The following GARIN5A variants were observed in gnomAD, a reference collection of about 807,000 sequenced individuals.
The protein encoded by GARIN5A is golgi associated RAB2 interactor 5A.
chr19:50,476,178 T>TAGGGCCGCGATCCCGCCTC, the GARIN5A span: 1 of 1,613,666 alleles, frequency 6.2e-7, no homozygotes, highest in Middle Eastern at 1.6e-4. Flanking sequence ...AGGGCCGGCT[T>TAGGGCCGCGATCCCGCCTC]AGGGCCGCGA....
At chr19:50,471,671 CGCATACATGCACGTGTGTGT>C in the GARIN5A span, among the ~76,000 whole-genome samples, 1 of 150,104 alleles carries the variant, frequency 6.7e-6, no homozygotes, top group African/African-American at 2.5e-5. Flanking sequence ...TGTGTGTATA[CGCATACATGCACGTGTGTGT>C]ATACGCATAC....
the GARIN5A span, among the ~76,000 whole-genome samples, chr19:50,472,266 TATATGTA>T: frequency 7.5e-6 from 1 of 132,606 alleles, no homozygotes; most frequent in Non-Finnish European, 1.6e-5. Context: ...TATGTGTGTA[TATATGTA>T]TATATACATG....
the GARIN5A span, among the ~76,000 whole-genome samples, chr19:50,472,124 ATACGTGTGTATATGTATG>A: frequency 7.3e-6 from 1 of 137,116 alleles, no homozygotes; most frequent in African/African-American, 3.0e-5. Context: ...ATATGTATAT[ATACGTGTGTATATGTATG>A]TATACGTGTG....
the GARIN5A span, among the ~76,000 whole-genome samples, chr19:50,468,968 C>T: frequency 6.6e-6 from 1 of 152,186 alleles, no homozygotes; most frequent in African/African-American, 2.4e-5. Context: ...TTGCGTCCAG[C>T]CACCTGCCTC....
At chr19:50,476,698 G>A in the GARIN5A span, 2 of 1,273,172 alleles carry the variant, frequency 1.6e-6, no homozygotes, top group Admixed American at 2.7e-5. Flanking sequence ...CGCGGTCTAC[G>A]GATGTCGCAG....
At chr19:50,471,976 A>G in the GARIN5A span, among the ~76,000 whole-genome samples, 2 of 148,398 alleles carry the variant, frequency 1.3e-5, no homozygotes, top group East Asian at 3.9e-4. Context: ...ATATACATGT[A>G]TGTGTGTATA....
At chr19:50,470,636 G>C in the GARIN5A span, among the ~76,000 whole-genome samples, 1 of 150,986 alleles carries the variant, frequency 6.6e-6, no homozygotes, top group South Asian at 2.1e-4. Flanking sequence ...GAGAAGTGGC[G>C]TATGGCTTGT....
At chr19:50,474,976 G>A in the GARIN5A span, among the ~76,000 whole-genome samples, 346 of 152,292 alleles carry the variant, frequency 2.3e-3, no homozygotes, top group African/African-American at 7.7e-3. Flanking sequence ...GCTCTTTGGC[G>A]GATGGGGCTA....
chr19:50,473,215 G>A, the GARIN5A span, among the ~76,000 whole-genome samples: 1 of 152,230 alleles, frequency 6.6e-6, no homozygotes, highest in African/African-American at 2.4e-5. Flanking sequence ...TTGGATTTCA[G>A]AAATGCAGAG....
the GARIN5A span, chr19:50,467,645 C>T: frequency 5.7e-6 from 9 of 1,572,022 alleles, no homozygotes; most frequent in African/African-American, 1.1e-4. Flanking sequence ...GTGAAGGGCA[C>T]AGCAGAAGCA....
the GARIN5A span, among the ~76,000 whole-genome samples, chr19:50,471,909 T>C: frequency 2.1e-5 from 3 of 145,728 alleles, no homozygotes; most frequent in Non-Finnish European, 4.5e-5. Context: ...TACATGTATG[T>C]GTGTATATGT....
chr19:50,472,084 G>GTATA, the GARIN5A span, among the ~76,000 whole-genome samples: 46 of 92,842 alleles, frequency 5.0e-4, 1 homozygote, highest in East Asian at 4.5e-4. Context: ...ATATACATGT[G>GTATA]TGTATATGTA....
At chr19:50,475,250 G>A in the GARIN5A span, 7 of 1,503,418 alleles carry the variant, frequency 4.7e-6, no homozygotes, top group South Asian at 1.3e-5. Flanking sequence ...GTCTGGACGA[G>A]GGGAGGTACT....
At chr19:50,474,708 A>G in the GARIN5A span, among the ~76,000 whole-genome samples, 10 of 151,922 alleles carry the variant, frequency 6.6e-5, no homozygotes, top group Non-Finnish European at 1.2e-4. Flanking sequence ...ACCGGTCTCA[A>G]ATTCCTGGCC....
At chr19:50,471,901 CATGT>C in the GARIN5A span, among the ~76,000 whole-genome samples, 2,472 of 148,446 alleles carry the variant, frequency 0.017, 105 homozygotes, top group African/African-American at 0.06. Flanking sequence ...TGTATGCATA[CATGT>C]ATGTGTGTAT....
the GARIN5A span, among the ~76,000 whole-genome samples, chr19:50,472,303 A>T: frequency 1.3e-5 from 2 of 149,732 alleles, no homozygotes; most frequent in African/African-American, 4.9e-5. Context: ...ATATATGTAT[A>T]TATACATGTA....
At chr19:50,476,078 C>T in the GARIN5A span, 1 of 1,610,038 alleles carries the variant, frequency 6.2e-7, no homozygotes, top group Non-Finnish European at 8.5e-7. Flanking sequence ...CCCCATCCTA[C>T]TTGGTTCCTT....
At chr19:50,471,713 T>TGTATACGCATACATGCACGTGTGC in the GARIN5A span, among the ~76,000 whole-genome samples, 1 of 150,584 alleles carries the variant, frequency 6.6e-6, no homozygotes, top group Non-Finnish European at 1.5e-5. Context: ...TGCACGTGTG[T>TGTATACGCATACATGCACGTGTGC]GTATACGCAT....
At chr19:50,467,972 A>G in the GARIN5A span, 3 of 705,644 alleles carry the variant, frequency 4.3e-6, no homozygotes, top group African/African-American at 3.6e-5. Flanking sequence ...ACTTGAGTCC[A>G]TTCCCAACTT....
Sources: allele counts gnomAD v4.1 joint callset (sites outside exome capture counted in the v4.1 genomes callset), GRCh38; gene constraint gnomAD v4.1.1; transcripts MANE v1.5; gene names NCBI Gene and HGNC (gene_info 2026-07-23, HGNC 2026-07-21).